ATR: variants seen among roughly 807,000 people sequenced by gnomAD.
The protein encoded by ATR is ATR checkpoint kinase, also known as serine/threonine-protein kinase ATR.
Under a neutral mutation model 305.3 loss-of-function variants are expected in ATR, and 142 were observed. The observed-to-expected ratio is 0.47, with a 90% CI of 0.41 to 0.53. The LOEUF is 0.53. Ranked by LOEUF, ATR falls within the 20% of genes least tolerant of loss-of-function variation. The pLI is 0.00. For missense variants in ATR, 2,135 were observed against 3,133.1 expected (o/e 0.68, Z 7.60); for synonymous variants, 1,050 against 1,068.1 (o/e 0.98, Z 0.33).
chr3:142,481,824 T>G (rs1377334968), intron 36 of ATR, among the ~76,000 whole-genome samples: 2 of 151,596 alleles, frequency 1.3e-5, no homozygotes, highest in East Asian at 1.9e-4. Flanking sequence ...TTTGATTTAT[T>G]TATTTATTTT....
At position 142,469,457 on chromosome 3, in the gene ATR, T is replaced by C. The variant is rs376533466; in HGVS notation, c.6432A>G (p.Gln2144=). The change falls in exon 38 of 47, where the codon CAA becomes CAG. Residue 2144 remains glutamine (Q), a synonymous_variant. Transcript: ENST00000350721. The stretch of plus-strand genomic sequence containing the variant: ...GAGAATGACAAATTCGAGAGATCAA[T>C]TGTGAAAAAGCAGTCAAAAATTGAT... ...APYQFLTAFS[Q]LISRICHSHD... 2.5e-6 allele frequency: 4 copies of C among 1,613,876 alleles called. No homozygotes were observed. Among genetic ancestry groups the C allele is most frequent in the East Asian group, 2.2e-5 (1 of 44,866 alleles).
intron 36 of ATR, among the ~76,000 whole-genome samples, chr3:142,483,365 C>T (rs2030667132): frequency 6.6e-6 from 1 of 151,282 alleles, no homozygotes; most frequent in Non-Finnish European, 1.5e-5. Context: ...AAACAGTAGG[C>T]CTGAGATTAT....
rs2031637300 is a variant in ATR at position 142,496,331 on chromosome 3, T to TACAC, written c.5898+29_5898+30insGTGT. 5.3e-6 allele frequency: 3 copies of TACAC among 561,652 alleles called. 1 individual carries two copies. The African/African-American group carries it at 6.9e-5, about 13-fold the overall frequency. The allele number at this position is 561,652 out of a possible 1,614,324, so 34.8% of individuals were successfully genotyped here. A position where few individuals can be genotyped will look rare whatever the true frequency, so the allele number is the denominator to read the frequency against. ...ATATATATATATATATATATATATA[T>TACAC]ATATATGATGACATTTCCCTGGCCA... is the stretch of plus-strand genomic sequence containing the variant. On this transcript the variant is annotated intron_variant, in intron 34 of 46. Transcript: ENST00000350721.
At chr3:142,467,106 A>C (rs1284998883) in intron 39 of ATR, among the ~76,000 whole-genome samples, 1 of 152,164 alleles carries the variant, frequency 6.6e-6, no homozygotes, top group Admixed American at 6.5e-5. Flanking sequence ...TTTATTGATA[A>C]AGGAAAGGTG....
chr3:142,525,942 G>A (rs1323660885), intron 21 of ATR, among the ~76,000 whole-genome samples: 1 of 152,082 alleles, frequency 6.6e-6, no homozygotes, highest in East Asian at 1.9e-4. Context: ...AAATTACCCA[G>A]CCTCAGGGTA....
chr3:142,559,756 A>G (rs1234474797), intron 6 of ATR, among the ~76,000 whole-genome samples: 1 of 152,106 alleles, frequency 6.6e-6, no homozygotes, highest in Admixed American at 6.5e-5. Context: ...AATTTTTTCT[A>G]AATTAGGGTG....
At position 142,563,063 on chromosome 3, in the gene ATR, A is replaced by G; in HGVS notation, c.339T>C (p.Thr113=). The G allele has an allele frequency of 6.2e-7, 1 of 1,602,000 alleles. No individual in the cohort carries two copies. The highest frequency in any genetic ancestry group is 8.5e-7 in the Non-Finnish European group (1 of 1,176,742). Reference sequence around the variant, plus strand: ...TCTTGTGTAACAAATGACAGGAGGGAGTTGCTGCAATCCGCAGAAGTCTCG... The same window carrying G: ...TCTTGTGTAACAAATGACAGGAGGGGGTTGCTGCAATCCGCAGAAGTCTCG... ...IITRLLRIAA[T]PSCHLLHKKI... Residue 113 remains threonine (T), a synonymous_variant, in exon 4 of 47, where the codon ACT becomes ACC. Transcript: ENST00000350721.
Position 142,558,870 on chromosome 3 carries a change from G to T in ATR, c.1733-94C>A, listed in dbSNP as rs908138670. ...AAGACATTTGAAATACTATCATAAT[G>T]ATCATTGGATAAGCAGAAATTCTTA... On this transcript the variant is annotated intron_variant, in intron 7 of 46. Coordinates refer to ENST00000350721, the MANE Select transcript of ATR (RefSeq NM_001184.4). The T allele has an allele frequency of 1.0e-5, 13 of 1,262,556 alleles. No individual in the cohort carries two copies. The South Asian group carries it at 1.5e-4, about 15-fold the overall frequency. The allele number at this position is 1,262,556 out of a possible 1,614,324, so 78.2% of individuals were successfully genotyped here. A position where few individuals can be genotyped will look rare whatever the true frequency, so the allele number is the denominator to read the frequency against.
At chr3:142,566,293 T>G in intron 2 of ATR, 32 bp from the exon 3 acceptor site, 3 of 1,608,162 alleles carry the variant, frequency 1.9e-6, no homozygotes, top group Non-Finnish European at 2.6e-6. Context: ...TAAAGAGTCA[T>G]GACAAATTAA....
intron 13 of ATR, 143 bp downstream of exon 13, chr3:142,553,084 C>T: frequency 9.2e-7 from 1 of 1,087,918 alleles, no homozygotes; most frequent in Non-Finnish European, 1.3e-6. Context: ...CCTCTACATG[C>T]TGCAATATAC....
At chr3:142,492,745 A>G (rs1264718910) in intron 35 of ATR, among the ~76,000 whole-genome samples, 1 of 152,148 alleles carries the variant, frequency 6.6e-6, no homozygotes, top group East Asian at 1.9e-4. Flanking sequence ...ATTTCCATTG[A>G]AAGTTTTCAT....
At chr3:142,515,585 A>G in intron 24 of ATR, 70 bp from the exon 25 acceptor site, 1 of 1,468,016 alleles carries the variant, frequency 6.8e-7, no homozygotes, top group South Asian at 1.2e-5. Context: ...AATTACAGCA[A>G]CTCCTTCAGT....
chr3:142,517,734 G>A (rs755225706), intron 24 of ATR, among the ~76,000 whole-genome samples: 10 of 152,268 alleles, frequency 6.6e-5, no homozygotes, highest in Non-Finnish European at 1.2e-4. Context: ...CTTAAAAGTT[G>A]CTTCCTATGA....
chr3:142,499,105 T>C, intron 31 of ATR: 1 of 376,166 alleles, frequency 2.7e-6, no homozygotes, highest in Middle Eastern at 5.2e-4. Flanking sequence ...GGTCTAGAGC[T>C]CTTGGCTTCA....
chr3:142,491,910 TC>T (rs1441294405), intron 35 of ATR, among the ~76,000 whole-genome samples: 1 of 152,242 alleles, frequency 6.6e-6, no homozygotes, highest in African/African-American at 2.4e-5. Flanking sequence ...TGTTTTTAAA[TC>T]CTGTCATTTC....
chr3:142,464,382 C>A (rs1426812226), intron 41 of ATR, among the ~76,000 whole-genome samples: 1 of 152,152 alleles, frequency 6.6e-6, no homozygotes, highest in Non-Finnish European at 1.5e-5. Flanking sequence ...TTTCCTGGGC[C>A]TCCCAAAGTG....
intron 16 of ATR, among the ~76,000 whole-genome samples, chr3:142,543,027 A>G (rs2034113663): frequency 6.6e-6 from 1 of 152,194 alleles, no homozygotes; most frequent in Admixed American, 6.5e-5. Flanking sequence ...TGAGTTTTTT[A>G]ATCATGGAGT....
intron 30 of ATR, 148 bp downstream of exon 30, chr3:142,503,214 G>T: frequency 1.7e-6 from 1 of 573,508 alleles, no homozygotes; most frequent in Non-Finnish European, 3.1e-6. Context: ...AAAACTTGAG[G>T]AAAAAAAAAT....
intron 23 of ATR, among the ~76,000 whole-genome samples, chr3:142,522,522 A>T (rs979334354): frequency 1.3e-5 from 2 of 152,210 alleles, no homozygotes; most frequent in Non-Finnish European, 2.9e-5. Context: ...ATATTTGTAT[A>T]TACATACAAA....
Sources: gnomAD v4.1 joint callset for allele counts (sites outside exome capture counted in the v4.1 genomes callset) on GRCh38, gnomAD v4.1.1 for gene constraint, MANE v1.5 for transcripts, NCBI Gene and HGNC (gene_info 2026-07-23, HGNC 2026-07-21) for gene names.